Variants in NFIB observed in about 807,000 individuals in gnomAD.
NFIB encodes the protein nuclear factor I B, also known as nuclear factor 1 B-type.
NFIB carries 11 observed loss-of-function variants against 61.5 expected under a neutral mutation model. The observed-to-expected ratio is 0.18, with a 90% CI of 0.11 to 0.30. NFIB has a LOEUF of 0.30. NFIB is among the 10% of genes least tolerant of loss of function. The pLI is 1.00. For synonymous variants in NFIB, 260 were observed against 216.5 expected, an observed-to-expected ratio of 1.20 and a Z score of -1.76; for missense variants, 471 against 608.9, an observed-to-expected ratio of 0.77 and a Z score of 2.38.
chr9:14,213,707 A>C (rs1172236764), intron 2 of NFIB, among the ~76,000 whole-genome samples: 2 of 152,192 alleles, frequency 1.3e-5, no homozygotes, highest in African/African-American at 4.8e-5. Flanking sequence ...TGCTAAATGA[A>C]TAACAGTATG....
At chr9:14,376,343 G>A (rs2061419184) in intron 1 of NFIB, among the ~76,000 whole-genome samples, 1 of 152,080 alleles carries the variant, frequency 6.6e-6, no homozygotes, top group South Asian at 2.1e-4. Context: ...GAATATTTGT[G>A]GGCTTATAAA....
At chr9:14,238,800 A>G (rs2054063846) in intron 2 of NFIB, among the ~76,000 whole-genome samples, 1 of 152,148 alleles carries the variant, frequency 6.6e-6, no homozygotes, top group African/African-American at 2.4e-5. Context: ...GGTACAGATA[A>G]ACAGTAACAC....
intron 3 of NFIB, among the ~76,000 whole-genome samples, chr9:14,175,002 G>C (rs1220574865): frequency 6.6e-6 from 1 of 151,850 alleles, no homozygotes; most frequent in Non-Finnish European, 1.5e-5. Flanking sequence ...CTCAACAGAT[G>C]AACAAATGAC....
intron 2 of NFIB, among the ~76,000 whole-genome samples, chr9:14,198,679 T>TG (rs1587529632): frequency 1.3e-5 from 2 of 152,200 alleles, no homozygotes; most frequent in East Asian, 1.9e-4. Context: ...ACAGCAATGC[T>TG]GGGGCCAAGA....
rs754720427 is a variant in NFIB, at chr9:14,307,229, T to G, written c.322A>C (p.Asn108His). 6.2e-7 allele frequency: 1 copy of G among 1,614,006 alleles called. No homozygotes were observed. ...CTAATCTTACCCTTCTGGTCGGGAT[T>G]GGATAAGACACAGCACGGGTGCTTC... ...GKKHPCCVLSNPDQKGKIRRI... is the reference protein window; with the variant it reads ...GKKHPCCVLSHPDQKGKIRRI... The change falls in exon 2 of 11, where the codon AAT (asparagine) becomes CAT (histidine). Residue 108 changes from asparagine to histidine, a missense_variant. Transcript: ENST00000380953. The surrounding 1 kb of genome is among the most constrained non-coding windows in gnomAD (Gnocchi z 5.3).
At chr9:14,359,378 C>T (rs1433307871) in intron 1 of NFIB, among the ~76,000 whole-genome samples, 1 of 152,148 alleles carries the variant, frequency 6.6e-6, no homozygotes, top group Non-Finnish European at 1.5e-5. Flanking sequence ...GACACAGACA[C>T]ACCAAAGAGA....
chr9:14,147,375 A>T (rs983996769), intron 5 of NFIB, among the ~76,000 whole-genome samples: 3 of 152,152 alleles, frequency 2.0e-5, no homozygotes, highest in Non-Finnish European at 2.9e-5. Context: ...GTTCAAAGGC[A>T]GACGGTTGGA....
In NFIB at chr9:14,120,105, A is replaced by G. The variant is rs1317897225; in HGVS notation, c.1245+335T>C. 5.9e-5 allele frequency among the ~76,000 whole-genome samples: 9 copies of G among 152,166 alleles called. No individual in the cohort carries two copies. Among genetic ancestry groups the G allele is most frequent in the African/African-American group, 2.2e-4 (9 of 41,432 alleles). ...CCTTACTCCTGCCTGAAATAAGCACATTGTCTCTGTGTCAAACCAGGTATT... is the reference window on the plus strand; with the variant it reads ...CCTTACTCCTGCCTGAAATAAGCACGTTGTCTCTGTGTCAAACCAGGTATT... On this transcript the variant is annotated intron_variant, in intron 8 of 10. Coordinates refer to ENST00000380953, the MANE Select transcript of NFIB (RefSeq NM_001190737.2). The surrounding 1 kb of genome is among the most constrained non-coding windows in gnomAD (Gnocchi z 4.4).
intron 2 of NFIB, among the ~76,000 whole-genome samples, chr9:14,262,112 G>A (rs1386677282): frequency 6.6e-6 from 1 of 152,070 alleles, no homozygotes; most frequent in African/African-American, 2.4e-5. Flanking sequence ...AAGATGCACT[G>A]CACCGGCCCT....
the NFIB span, among the ~76,000 whole-genome samples, chr9:14,427,291 C>G: frequency 6.6e-6 from 1 of 152,126 alleles, no homozygotes; most frequent in African/African-American, 2.4e-5. Flanking sequence ...TAATAATACT[C>G]ATAGTGAATA....
At chr9:14,160,844 A>AC (rs1222709362) in intron 3 of NFIB, among the ~76,000 whole-genome samples, 2 of 150,006 alleles carry the variant, frequency 1.3e-5, no homozygotes, top group Non-Finnish European at 3.0e-5. Context: ...AAAAAAAAAA[A>AC]AAAAAAACAG....
At chr9:14,343,112 CTG>C (rs1339528345) in intron 1 of NFIB, among the ~76,000 whole-genome samples, 1 of 152,198 alleles carries the variant, frequency 6.6e-6, no homozygotes, top group Admixed American at 6.5e-5. Context: ...TACCACCTGA[CTG>C]TGGGAATTCT....
chr9:14,161,329 G>A lies in NFIB; in HGVS notation c.617-5436C>T, dbSNP rs575007864. On this transcript the variant is annotated intron_variant, in intron 3 of 10. Transcript: ENST00000380953. ...AGATTAAATCTCAGCCTATAGCCCA[G>A]GTTAACATTCAAATATTAATTTAGA... is the stretch of plus-strand genomic sequence containing the variant. Among the ~76,000 whole-genome samples the A allele has an allele frequency of 9.7e-4, 147 of 151,982 alleles. 2 individuals carry two copies. The highest frequency in any genetic ancestry group is 1.8e-3 in the Non-Finnish European group (125 of 67,988).
At position 14,086,787 on chromosome 9, in the gene NFIB, T is replaced by A. The variant is rs185721745; in HGVS notation, c.*1522A>T. Reference sequence around the variant, plus strand: ...ACTTTGTTGTATTTTTTTGTTTTTTTTTTTTTGTTTTTTGTTTTTTAGATT... The same window carrying A: ...ACTTTGTTGTATTTTTTTGTTTTTTATTTTTTGTTTTTTGTTTTTTAGATT... On this transcript the variant is annotated 3_prime_UTR_variant, in exon 11 of 11. Coordinates refer to ENST00000380953, the MANE Select transcript of NFIB (RefSeq NM_001190737.2). The A allele has an allele frequency of 9.2e-5, 19 of 207,546 alleles. 1 individual carries two copies. Among genetic ancestry groups the A allele is most frequent in the Admixed American group, 7.1e-4 (12 of 16,844 alleles). 12.9% of individuals were successfully genotyped at this position (207,546 alleles called of 1,614,324 possible).
At chr9:14,179,605 C>A in intron 3 of NFIB, 122 bp downstream of exon 3, 1 of 997,372 alleles carries the variant, frequency 1.0e-6, no homozygotes, top group Admixed American at 2.2e-5. Context: ...CATCTTGTCC[C>A]GATCATACCT....
the NFIB span, among the ~76,000 whole-genome samples, chr9:14,425,252 G>A: frequency 6.6e-6 from 1 of 152,158 alleles, no homozygotes; most frequent in African/African-American, 2.4e-5. Context: ...GTGATTCTTA[G>A]TGTCACACAG....
intron 1 of NFIB, among the ~76,000 whole-genome samples, chr9:14,337,589 T>A (rs929828898): frequency 1.3e-5 from 2 of 152,210 alleles, no homozygotes; most frequent in Non-Finnish European, 2.9e-5. Context: ...GCACATCTCC[T>A]CACTTTAAAA....
chr9:14,314,434 C>T (rs1259436760), upstream of NFIB: 1 of 151,852 alleles, frequency 6.6e-6, no homozygotes, highest in African/African-American at 2.4e-5. Flanking sequence ...TGAAAAATTC[C>T]AAACGATAAA....
chr9:14,223,263 G>A (rs1484057404), intron 2 of NFIB, among the ~76,000 whole-genome samples: 1 of 152,136 alleles, frequency 6.6e-6, no homozygotes, highest in African/African-American at 2.4e-5. Context: ...TCTATAGCAG[G>A]GGCACACTTA....
Sources: gnomAD v4.1 joint callset for allele counts (sites outside exome capture counted in the v4.1 genomes callset) on GRCh38, gnomAD v4.1.1 for gene constraint, Gnocchi (gnomAD v3.1) non-coding constraint, MANE v1.5 for transcripts, NCBI Gene and HGNC (gene_info 2026-07-23, HGNC 2026-07-21) for gene names.